CHSY3: variants seen among roughly 807,000 people sequenced by gnomAD.
CHSY3 encodes chondroitin sulfate synthase 3.
In CHSY3, 35 loss-of-function variants were observed where a neutral mutation model predicts 67.2. That is an observed-to-expected ratio of 0.52 (90% CI 0.40 to 0.69). The LOEUF (loss-of-function observed/expected upper bound fraction) is 0.69, where lower values mean the gene tolerates loss of function less well. Among genes scored for constraint, CHSY3 ranks in the 30% least tolerant of loss-of-function variants. CHSY3 has a pLI of 0.00. For missense variants in CHSY3, 1,069 were observed against 1,138.5 expected (o/e 0.94, Z 0.88); for synonymous variants, 474 against 434.7 (o/e 1.09, Z -1.12).
At chr5:130,098,598 C>G (rs1767127578) in intron 2 of CHSY3, among the ~76,000 whole-genome samples, 2 of 152,278 alleles carry the variant, frequency 1.3e-5, no homozygotes, top group South Asian at 4.1e-4. Context: ...TTGGGATGAA[C>G]TACATGAGAT....
intron 2 of CHSY3, among the ~76,000 whole-genome samples, chr5:129,953,764 G>T (rs193229714): frequency 6.6e-6 from 1 of 152,040 alleles, no homozygotes; most frequent in Non-Finnish European, 1.5e-5. Flanking sequence ...TTTGTTGGCC[G>T]CATAAGTGTC....
At chr5:129,915,943 A>G (rs983084771) in intron 2 of CHSY3, among the ~76,000 whole-genome samples, 6 of 152,178 alleles carry the variant, frequency 3.9e-5, no homozygotes, top group Non-Finnish European at 8.8e-5. Context: ...CATCCTTAGC[A>G]CCACTTTTAT....
At chr5:130,099,707 A>G (rs1767166239) in intron 2 of CHSY3, among the ~76,000 whole-genome samples, 1 of 152,326 alleles carries the variant, frequency 6.6e-6, no homozygotes. Flanking sequence ...TTATAAGTGC[A>G]TTTGTATAAT....
At chr5:129,986,034 C>T (rs1443007662) in intron 2 of CHSY3, among the ~76,000 whole-genome samples, 1 of 152,044 alleles carries the variant, frequency 6.6e-6, no homozygotes, top group African/African-American at 2.4e-5. Flanking sequence ...CTTTCTTTTG[C>T]CTAATTGCTC....
chr5:129,932,223 G>A (rs1165843894), intron 2 of CHSY3, among the ~76,000 whole-genome samples: 2 of 150,048 alleles, frequency 1.3e-5, no homozygotes, highest in Non-Finnish European at 3.0e-5. Context: ...ATGGGGGCTG[G>A]CAAGTTTAAA....
chr5:130,052,259 T>C (rs1466272501), intron 2 of CHSY3: 1 of 152,026 alleles, frequency 6.6e-6, no homozygotes, highest in African/African-American at 2.4e-5. Flanking sequence ...TCCAATAATC[T>C]ATAGTGAGGA....
chr5:130,134,621 G>A (rs1256346587), intron 2 of CHSY3, among the ~76,000 whole-genome samples: 2 of 152,110 alleles, frequency 1.3e-5, no homozygotes, highest in Non-Finnish European at 2.9e-5. Context: ...CTTGAAATTA[G>A]TAATTACTGT....
intron 2 of CHSY3, among the ~76,000 whole-genome samples, chr5:130,086,480 G>C (rs541072233): frequency 1.0e-3 from 156 of 151,758 alleles, no homozygotes; most frequent in African/African-American, 3.4e-3. Flanking sequence ...TTCCTCCATC[G>C]TTTTATTTTG....
At chr5:130,167,315 C>A (rs1015443202) in intron 2 of CHSY3, among the ~76,000 whole-genome samples, 1 of 151,978 alleles carries the variant, frequency 6.6e-6, no homozygotes, top group Middle Eastern at 3.2e-3. Context: ...GGCTTCTACC[C>A]TCCCACAGAG....
At chr5:130,157,364 A>G (rs1769402144) in intron 2 of CHSY3, among the ~76,000 whole-genome samples, 1 of 152,220 alleles carries the variant, frequency 6.6e-6, no homozygotes, top group Non-Finnish European at 1.5e-5. Flanking sequence ...GTAGAAACAT[A>G]TTTAAAGGAG....
chr5:130,122,611 C>T (rs942746070), intron 2 of CHSY3, among the ~76,000 whole-genome samples: 4 of 152,278 alleles, frequency 2.6e-5, no homozygotes, highest in Admixed American at 1.3e-4. Context: ...GTCAGGGATG[C>T]GCAACAGCCA....
intron 2 of CHSY3, among the ~76,000 whole-genome samples, chr5:130,008,067 A>G (rs1383934436): frequency 6.6e-6 from 1 of 152,186 alleles, no homozygotes; most frequent in African/African-American, 2.4e-5. Context: ...CATCTGCAGC[A>G]TCGCCCACCA....
chr5:129,987,734 C>A (rs918164189), intron 2 of CHSY3, among the ~76,000 whole-genome samples: 1 of 152,022 alleles, frequency 6.6e-6, no homozygotes, highest in African/African-American at 2.4e-5. Flanking sequence ...TATTAGTTGA[C>A]TATAAATTTA....
chr5:130,066,946 T>G (rs1203803976), intron 2 of CHSY3, among the ~76,000 whole-genome samples: 1 of 152,180 alleles, frequency 6.6e-6, no homozygotes, highest in Non-Finnish European at 1.5e-5. Context: ...TCCTTTTCAG[T>G]GATCTGCTAA....
chr5:129,979,951 A>G (rs965444611), intron 2 of CHSY3, among the ~76,000 whole-genome samples: 2 of 152,192 alleles, frequency 1.3e-5, no homozygotes, highest in Admixed American at 6.5e-5. Context: ...ATGATAGATA[A>G]TATTTCATTT....
intron 2 of CHSY3, among the ~76,000 whole-genome samples, chr5:130,053,415 G>A (rs565010108): frequency 9.2e-5 from 14 of 152,234 alleles, no homozygotes; most frequent in Non-Finnish European, 1.8e-4. Flanking sequence ...GGGAAGCCCA[G>A]GTAGGCAGAT....
rs1396877778 is a variant in CHSY3 at position 129,936,357 on chromosome 5, C to T, written c.1086+27997C>T. Among the ~76,000 whole-genome samples, 15 of 151,890 alleles carry T rather than the reference C, an allele frequency of 9.9e-5. No individual in the cohort carries two copies. The Admixed American group carries it at 9.9e-4, about 10-fold the overall frequency. On this transcript the variant is annotated intron_variant, in intron 2 of 2. Coordinates refer to ENST00000305031, the MANE Select transcript of CHSY3 (RefSeq NM_175856.5). ...TCTTGTGCAATTCACAGAATCCTCACATAGCCTAAGAAACAGATTGAGTTC... is the reference window on the plus strand; with the variant it reads ...TCTTGTGCAATTCACAGAATCCTCATATAGCCTAAGAAACAGATTGAGTTC...
chr5:129,904,793 G>A lies in CHSY3; in HGVS notation c.-37G>A. 1 of 1,318,730 alleles carries A rather than the reference G, an allele frequency of 7.6e-7. No homozygotes were observed. Among genetic ancestry groups the A allele is most frequent in the African/African-American group, 1.5e-5 (1 of 65,390 alleles). 81.7% of individuals were successfully genotyped at this position (1,318,730 alleles called of 1,614,324 possible). On this transcript the variant is annotated 5_prime_UTR_variant, in exon 1 of 3. Coordinates refer to ENST00000305031, the MANE Select transcript of CHSY3 (RefSeq NM_175856.5). ...CCGGGGAAACCGCGTGCCGCGCCGCGACAGCCCAGCGAGCGTCCGCGCCCG... is the reference window on the plus strand; with the variant it reads ...CCGGGGAAACCGCGTGCCGCGCCGCAACAGCCCAGCGAGCGTCCGCGCCCG...
At chr5:129,956,150 T>C (rs1561471705) in intron 2 of CHSY3, among the ~76,000 whole-genome samples, 1 of 152,126 alleles carries the variant, frequency 6.6e-6, no homozygotes, top group Non-Finnish European at 1.5e-5. Context: ...TAATTTACAC[T>C]CCCGCCAACA....
Sources: allele counts gnomAD v4.1 joint callset (sites outside exome capture counted in the v4.1 genomes callset), GRCh38; gene constraint gnomAD v4.1.1; transcripts MANE v1.5; gene names NCBI Gene and HGNC (gene_info 2026-07-23, HGNC 2026-07-21).